The following ITGA11 variants were observed in gnomAD, a reference collection of about 807,000 sequenced individuals.
ITGA11 encodes integrin subunit alpha 11.
A neutral mutation model predicts 141.9 loss-of-function variants in ITGA11; 97 were observed. The observed-to-expected ratio is 0.68, with a 90% confidence interval of 0.58 to 0.81. The LOEUF (loss-of-function observed/expected upper bound fraction) is 0.81, where lower values mean the gene tolerates loss of function less well. Ranked by LOEUF, ITGA11 falls within the 30% of genes least tolerant of loss-of-function variation. The pLI, the probability that ITGA11 is intolerant of heterozygous loss-of-function variation, is 0.00. For synonymous variants in ITGA11, 658 were observed against 624.6 expected (o/e 1.05, Z -0.80); for missense variants, 1,387 against 1,559.2 (o/e 0.89, Z 1.86).
At chr15:68,420,427 TCCCTTCCAGAG>T (rs961718316) in intron 1 of ITGA11, among the ~76,000 whole-genome samples, 34 of 152,224 alleles carry the variant, frequency 2.2e-4, no homozygotes, top group African/African-American at 7.5e-4. Flanking sequence ...AAGGTTCCCC[TCCCTTCCAGAG>T]CCCTTCCTCC....
chr15:68,367,619 C>T (rs1162539371), intron 3 of ITGA11, among the ~76,000 whole-genome samples: 4 of 152,180 alleles, frequency 2.6e-5, no homozygotes, highest in Admixed American at 1.3e-4. Flanking sequence ...TATCCTGCTT[C>T]TTAATTTGCC....
Position 68,369,238 on chromosome 15 carries a change from C to T in ITGA11, c.211G>A (p.Gly71Arg). 6.2e-7 allele frequency: 1 copy of T among 1,613,926 alleles called. No homozygotes were observed. Among genetic ancestry groups the T allele is most frequent in the Non-Finnish European group, 8.5e-7 (1 of 1,179,874 alleles). The change falls in exon 3 of 30, where the codon GGA (glycine) becomes AGA (arginine). Residue 71 changes from glycine to arginine, a missense_variant. Physicochemically the swap from Gly to Arg is moderately radical, Grantham distance 125 (BLOSUM62 -2). Coordinates refer to ENST00000315757, the MANE Select transcript of ITGA11 (RefSeq NM_001004439.2). ...ATCACTGGACACTTGTACACGTCTC[C>T]CGTCTTCTGGTAGCCATTGGTTTCC... ...PLETNGYQKT[G>R]DVYKCPVIHG...
intron 12 of ITGA11, among the ~76,000 whole-genome samples, chr15:68,334,349 G>A (rs1343525445): frequency 2.6e-5 from 4 of 152,186 alleles, no homozygotes; most frequent in Admixed American, 6.5e-5. Context: ...ATTTTCAAGG[G>A]AAGGAACCAA....
At chr15:68,311,253 G>GT (rs1376634066) in intron 25 of ITGA11, 37 bp downstream of exon 25, 1 of 1,430,334 alleles carries the variant, frequency 7.0e-7, no homozygotes, top group African/African-American at 1.4e-5. Flanking sequence ...TCTCCTTCTG[G>GT]TCCCCTCCCC....
intron 2 of ITGA11, among the ~76,000 whole-genome samples, chr15:68,369,970 C>T (rs988260288): frequency 2.8e-4 from 43 of 152,266 alleles, no homozygotes; most frequent in African/African-American, 1.0e-3. Context: ...GAAGAGGAAA[C>T]ACAGAGGAGA....
At chr15:68,346,664 C>T (rs559392238) in intron 10 of ITGA11, among the ~76,000 whole-genome samples, 1 of 152,302 alleles carries the variant, frequency 6.6e-6, no homozygotes, top group South Asian at 2.1e-4. Context: ...CAGGATGTCA[C>T]CCAGTGTGTG....
intron 28 of ITGA11, among the ~76,000 whole-genome samples, chr15:68,306,828 T>C (rs1181772849): frequency 1.3e-5 from 2 of 152,232 alleles, no homozygotes; most frequent in East Asian, 3.8e-4. Context: ...ATTTCTGGGG[T>C]GTGGCCAGTG....
At chr15:68,392,599 C>A (rs908863759) in intron 2 of ITGA11, among the ~76,000 whole-genome samples, 3 of 152,202 alleles carry the variant, frequency 2.0e-5, no homozygotes, top group African/African-American at 7.2e-5. Context: ...GACTCCTAAG[C>A]TGTGTATGCA....
At position 68,407,865 on chromosome 15, in the gene ITGA11, G is replaced by A. The variant is rs75469403; in HGVS notation, c.53-4836C>T. Among the ~76,000 whole-genome samples, 92 of 152,324 alleles carry A rather than the reference G, an allele frequency of 6.0e-4. 2 individuals are homozygous for A. The East Asian group carries it at 0.014, about 23-fold the overall frequency. On this transcript the variant is annotated intron_variant, in intron 1 of 29. Transcript: ENST00000315757. ...CAGGTTAAGGTGAAGGCCAGGTAGGGCAGTCCTGGTCCCAGGTGCTGAGGG... is the reference window on the plus strand; with the variant it reads ...CAGGTTAAGGTGAAGGCCAGGTAGGACAGTCCTGGTCCCAGGTGCTGAGGG...
intron 1 of ITGA11, among the ~76,000 whole-genome samples, chr15:68,417,083 C>T (rs1219866095): frequency 6.6e-6 from 1 of 151,990 alleles, no homozygotes; most frequent in Non-Finnish European, 1.5e-5. Flanking sequence ...GGACCTTGGC[C>T]TCAACATGGC....
chr15:68,384,600 G>A (rs978940492), intron 2 of ITGA11, among the ~76,000 whole-genome samples: 1 of 152,302 alleles, frequency 6.6e-6, no homozygotes, highest in Non-Finnish European at 1.5e-5. Context: ...CTGGGCCAAC[G>A]TTTCCCCACG....
In ITGA11 at chr15:68,350,703, T is replaced by C; in HGVS notation, c.974A>G (p.Asp325Gly). ...NEIKYIASDP[D>G]DKHFFNVTDE... ...AGTGACATTGAAGAAGTGCTTGTCA[T>C]CAGGGTCACTGGCGATGTATTTGAT... The change falls in exon 9 of 30, where the codon GAT (aspartate) becomes GGT (glycine). Residue 325 changes from aspartate (D) to glycine (G), a missense_variant. Asp to Gly is a moderately conservative substitution (Grantham distance 94). Coordinates refer to ENST00000315757, the MANE Select transcript of ITGA11 (RefSeq NM_001004439.2). The C allele has an allele frequency of 6.2e-7, 1 of 1,614,000 alleles. No individual in the cohort carries two copies.
intron 2 of ITGA11, among the ~76,000 whole-genome samples, chr15:68,387,061 A>G (rs1247001743): frequency 6.6e-6 from 1 of 151,972 alleles, no homozygotes; most frequent in African/African-American, 2.4e-5. Context: ...AAGGGAGGAG[A>G]ATGAGGAGAA....
At chr15:68,353,322 C>A (rs1894971879) in intron 7 of ITGA11, among the ~76,000 whole-genome samples, 1 of 152,174 alleles carries the variant, frequency 6.6e-6, no homozygotes, top group African/African-American at 2.4e-5. Flanking sequence ...TTAGTATGTG[C>A]TGTGGACTGA....
At chr15:68,397,765 T>A (rs561963028) in intron 2 of ITGA11, among the ~76,000 whole-genome samples, 10 of 52,046 alleles carry the variant, frequency 1.9e-4, no homozygotes, top group African/African-American at 6.6e-4. Context: ...ATTTAAAATA[T>A]TATATTTAAA....
intron 10 of ITGA11, among the ~76,000 whole-genome samples, chr15:68,342,375 C>T (rs1254240946): frequency 6.6e-6 from 1 of 152,224 alleles, no homozygotes; most frequent in Non-Finnish European, 1.5e-5. Context: ...AGGGGACCTT[C>T]CCCACAAGCT....
At position 68,332,066 on chromosome 15, in the gene ITGA11, C is replaced by A. The variant is rs768974968; in HGVS notation, c.1567-4G>T. The A allele has an allele frequency of 5.0e-6, 8 of 1,585,824 alleles. No homozygotes were observed. Among genetic ancestry groups the A allele is most frequent in the Non-Finnish European group, 6.9e-6 (8 of 1,165,454 alleles). On this transcript the variant is annotated splice_region_variant and splice_polypyrimidine_tract_variant and intron_variant, in intron 13 of 29. Coordinates refer to ENST00000315757, the MANE Select transcript of ITGA11 (RefSeq NM_001004439.2). ...TTCCGTTATAAACAAACAGGTTCTG[C>A]AAAACCAGGGGCAGAAAAAGGCTGG...
chr15:68,398,316 G>A (rs945982261), intron 2 of ITGA11, among the ~76,000 whole-genome samples: 1 of 151,874 alleles, frequency 6.6e-6, no homozygotes, highest in Non-Finnish European at 1.5e-5. Flanking sequence ...GATCTACCAA[G>A]CAAATGGAAA....
In ITGA11 at chr15:68,390,419, C is replaced by T. The variant is rs138040206; in HGVS notation, c.164+12499G>A. ...AATGCTGGGACCTGGATTTGGGGGC[C>T]GGGGCTGGGGAGTGATGTTCTTTCT... On this transcript the variant is annotated intron_variant, in intron 2 of 29. Coordinates refer to ENST00000315757, the MANE Select transcript of ITGA11 (RefSeq NM_001004439.2). Among the ~76,000 whole-genome samples the T allele has an allele frequency of 3.1e-3, 469 of 152,072 alleles. 7 individuals carry two copies. Among genetic ancestry groups the T allele is most frequent in the African/African-American group, 0.011 (448 of 41,458 alleles).
Sources: gnomAD v4.1 joint callset for allele counts (sites outside exome capture counted in the v4.1 genomes callset) on GRCh38, gnomAD v4.1.1 for gene constraint, MANE v1.5 for transcripts, NCBI Gene and HGNC (gene_info 2026-07-23, HGNC 2026-07-21) for gene names.